GABRG3: variants seen among roughly 807,000 people sequenced by gnomAD.
GABRG3 encodes the protein gamma-aminobutyric acid receptor subunit gamma-3.
Under a neutral mutation model 48.8 loss-of-function variants are expected in GABRG3, and 25 were observed. The ratio of observed to expected loss-of-function variants is 0.51; its 90% CI spans 0.37 to 0.72. The LOEUF (loss-of-function observed/expected upper bound fraction) is 0.72. GABRG3 is among the 30% of genes least tolerant of loss of function. The probability of loss-of-function intolerance (pLI) is 0.00; values close to 1 mark genes in which losing one functional copy is unlikely to be tolerated. For synonymous variants in GABRG3, 227 were observed against 217.6 expected (o/e 1.04, Z -0.38); for missense variants, 394 against 577.9 (o/e 0.68, Z 3.26).
chr15:26,986,193 A>T (rs758282692), intron 2 of GABRG3, among the ~76,000 whole-genome samples: 1 of 152,214 alleles, frequency 6.6e-6, no homozygotes, highest in Non-Finnish European at 1.5e-5. Flanking sequence ...CAATTACTGT[A>T]TATCCAGAAA....
intron 5 of GABRG3, among the ~76,000 whole-genome samples, chr15:27,459,733 T>C (rs1479959153): frequency 1.3e-5 from 2 of 152,168 alleles, no homozygotes; most frequent in Non-Finnish European, 2.9e-5. Context: ...TCTTTGCAAT[T>C]TCATGGTTGC....
At chr15:27,358,703 A>G (rs1316797482) in intron 5 of GABRG3, among the ~76,000 whole-genome samples, 2 of 152,186 alleles carry the variant, frequency 1.3e-5, no homozygotes, top group African/African-American at 2.4e-5. Context: ...CGCCCAGAGA[A>G]AGTACTGCAT....
chr15:27,511,705 A>C (rs1890900246), intron 6 of GABRG3, among the ~76,000 whole-genome samples: 1 of 152,250 alleles, frequency 6.6e-6, no homozygotes, highest in South Asian at 2.1e-4. Flanking sequence ...AATAGATGAT[A>C]AACAAGTAAA....
chr15:27,519,269 C>T (rs1041789355), intron 6 of GABRG3, among the ~76,000 whole-genome samples: 3 of 152,086 alleles, frequency 2.0e-5, no homozygotes, highest in Non-Finnish European at 2.9e-5. Context: ...ATGTATTAAG[C>T]ATGCACCCTC....
chr15:27,521,519 G>C (rs769032073), intron 7 of GABRG3, among the ~76,000 whole-genome samples: 2 of 152,042 alleles, frequency 1.3e-5, no homozygotes, highest in African/African-American at 4.8e-5. Flanking sequence ...TGTTACCCAT[G>C]ATTACAAAGA....
chr15:27,504,495 C>T (rs962250391), intron 6 of GABRG3, among the ~76,000 whole-genome samples: 1 of 152,154 alleles, frequency 6.6e-6, no homozygotes, highest in African/African-American at 2.4e-5. Context: ...CAAGAGTACA[C>T]TTATATTTCT....
intron 5 of GABRG3, among the ~76,000 whole-genome samples, chr15:27,459,113 A>C (rs1201038286): frequency 6.6e-6 from 1 of 152,190 alleles, no homozygotes; most frequent in Non-Finnish European, 1.5e-5. Context: ...TCAAAAGCCG[A>C]TTGTTTCCTG....
intron 3 of GABRG3, among the ~76,000 whole-genome samples, chr15:27,305,528 T>G (rs1180951433): frequency 6.9e-6 from 1 of 145,874 alleles, no homozygotes; most frequent in Non-Finnish European, 1.5e-5. Context: ...ATATATAATA[T>G]AAACCTATGT....
At chr15:27,324,389 G>A (rs927955126) in intron 3 of GABRG3, among the ~76,000 whole-genome samples, 2 of 152,180 alleles carry the variant, frequency 1.3e-5, no homozygotes, top group African/African-American at 4.8e-5. Flanking sequence ...AGATCCTGAT[G>A]GGCTGGGTTC....
intron 3 of GABRG3, among the ~76,000 whole-genome samples, chr15:27,054,366 G>A (rs1238796577): frequency 2.6e-5 from 4 of 152,074 alleles, no homozygotes; most frequent in Admixed American, 6.6e-5. Flanking sequence ...TCAGCATCAC[G>A]AAACATATCC....
At chr15:27,173,612 T>C (rs191452981) in intron 3 of GABRG3, among the ~76,000 whole-genome samples, 1 of 151,720 alleles carries the variant, frequency 6.6e-6, no homozygotes, top group Admixed American at 6.6e-5. Context: ...GCCTCATGTC[T>C]GTAATCCCAG....
intron 3 of GABRG3, among the ~76,000 whole-genome samples, chr15:27,259,937 T>C (rs1195636414): frequency 2.6e-5 from 4 of 152,116 alleles, no homozygotes; most frequent in Non-Finnish European, 2.9e-5. Context: ...CAGCTGTGAA[T>C]GGAAAGAGAA....
At chr15:27,294,761 G>T (rs990698509) in intron 3 of GABRG3, 2 of 152,114 alleles carry the variant, frequency 1.3e-5, no homozygotes, top group South Asian at 2.1e-4. Context: ...AACCAGGGGC[G>T]CATTCTTTTC....
At chr15:27,105,563 A>G (rs1897435277) in intron 3 of GABRG3, among the ~76,000 whole-genome samples, 1 of 152,214 alleles carries the variant, frequency 6.6e-6, no homozygotes. Context: ...TTGTTCTGCA[A>G]CCATCATGTA....
intron 3 of GABRG3, among the ~76,000 whole-genome samples, chr15:27,083,577 C>T (rs113274517): frequency 7.2e-5 from 11 of 152,076 alleles, no homozygotes; most frequent in South Asian, 4.2e-4. Flanking sequence ...CCACCTGCCT[C>T]GGCCTCCCAA....
At chr15:26,992,895 T>C (rs1446046500) in intron 2 of GABRG3, among the ~76,000 whole-genome samples, 1 of 152,156 alleles carries the variant, frequency 6.6e-6, no homozygotes, top group Non-Finnish European at 1.5e-5. Context: ...TTACTTTTTA[T>C]TGGTCTGTTC....
intron 6 of GABRG3, among the ~76,000 whole-genome samples, chr15:27,485,184 C>T (rs1055573700): frequency 1.2e-4 from 19 of 152,084 alleles, no homozygotes; most frequent in Admixed American, 4.6e-4. Context: ...GCATATGATG[C>T]GATGAAAATC....
intron 3 of GABRG3, among the ~76,000 whole-genome samples, chr15:27,100,971 C>T (rs1472772410): frequency 3.3e-5 from 5 of 152,050 alleles, no homozygotes; most frequent in Non-Finnish European, 5.9e-5. Context: ...AGCACCTGCA[C>T]GTGGCAAGAA....
intron 5 of GABRG3, among the ~76,000 whole-genome samples, chr15:27,334,374 T>G (rs559038466): frequency 5.9e-5 from 9 of 152,352 alleles, no homozygotes; most frequent in Admixed American, 3.3e-4. Context: ...TTCTGTTGTT[T>G]AGTTTGAGAT....
Sources: allele counts gnomAD v4.1 joint callset (sites outside exome capture counted in the v4.1 genomes callset), GRCh38; gene constraint gnomAD v4.1.1; transcripts MANE v1.5; gene names NCBI Gene and HGNC (gene_info 2026-07-23, HGNC 2026-07-21).